The following GRB14 variants were observed in gnomAD, a reference collection of about 807,000 sequenced individuals.
GRB14 encodes growth factor receptor-bound protein 14.
Under a neutral mutation model 69.1 loss-of-function variants are expected in GRB14, and 38 were observed. The observed-to-expected ratio is 0.55, with a 90% CI of 0.42 to 0.72. The LOEUF (loss-of-function observed/expected upper bound fraction) is 0.72, where lower values mean the gene tolerates loss of function less well. Among genes scored for constraint, GRB14 ranks in the 30% least tolerant of loss-of-function variants. The pLI is 0.00. For missense variants in GRB14, 666 were observed against 666.1 expected (o/e 1.00, Z 0.00); for synonymous variants, 247 against 241.3 (o/e 1.02, Z -0.22).
intron 5 of GRB14, among the ~76,000 whole-genome samples, chr2:164,524,413 T>C (rs1687716626): frequency 6.6e-6 from 1 of 152,078 alleles, no homozygotes; most frequent in African/African-American, 2.4e-5. Flanking sequence ...CACTGCCAGT[T>C]TGGAAGAAAT....
chr2:164,498,747 C>T (rs1686972191), intron 9 of GRB14, among the ~76,000 whole-genome samples: 1 of 152,178 alleles, frequency 6.6e-6, no homozygotes. Flanking sequence ...AGGCTTCAAA[C>T]AAAACCTTAT....
intron 2 of GRB14, among the ~76,000 whole-genome samples, chr2:164,595,247 T>G (rs1001383599): frequency 2.6e-5 from 4 of 152,198 alleles, no homozygotes; most frequent in Non-Finnish European, 5.9e-5. Context: ...ATCCAACTTT[T>G]TAAAGGTTTA....
At chr2:164,547,911 T>G (rs1462732906) in intron 2 of GRB14, 95 bp from the exon 3 acceptor site, 6 of 704,864 alleles carry the variant, frequency 8.5e-6, no homozygotes, top group South Asian at 3.5e-5. Context: ...AACACGATAT[T>G]ATGAGATATA....
At chr2:164,555,472 A>G (rs1688655195) in intron 2 of GRB14, among the ~76,000 whole-genome samples, 2 of 152,078 alleles carry the variant, frequency 1.3e-5, no homozygotes, top group Admixed American at 1.3e-4. Context: ...AAGAGAAAGA[A>G]AAAAAAGAGC....
chr2:164,593,971 T>C (rs1689727789), intron 2 of GRB14, among the ~76,000 whole-genome samples: 1 of 152,122 alleles, frequency 6.6e-6, no homozygotes. Flanking sequence ...AAGAGCATAA[T>C]CATAACACAT....
At chr2:164,571,939 C>T (rs543413755) in intron 2 of GRB14, among the ~76,000 whole-genome samples, 2 of 152,260 alleles carry the variant, frequency 1.3e-5, no homozygotes, top group East Asian at 1.9e-4. Flanking sequence ...TTCATACAGC[C>T]CTTGTTCCTG....
At chr2:164,611,074 AG>A (rs1251446140) in intron 2 of GRB14, among the ~76,000 whole-genome samples, 1 of 152,164 alleles carries the variant, frequency 6.6e-6, no homozygotes, top group Non-Finnish European at 1.5e-5. Context: ...GTTCACAAAT[AG>A]ATAGGACTGT....
At chr2:164,554,428 A>C (rs1161629850) in intron 2 of GRB14, among the ~76,000 whole-genome samples, 1 of 152,190 alleles carries the variant, frequency 6.6e-6, no homozygotes, top group Non-Finnish European at 1.5e-5. Context: ...TGGACCCTAA[A>C]GAAGAATAGG....
chr2:164,561,303 G>T (rs1688822539), intron 2 of GRB14, among the ~76,000 whole-genome samples: 1 of 152,140 alleles, frequency 6.6e-6, no homozygotes, highest in African/African-American at 2.4e-5. Flanking sequence ...TGGGCAAAAT[G>T]CTGGCAAACT....
chr2:164,614,103 G>A (rs975421493), intron 2 of GRB14, among the ~76,000 whole-genome samples: 8 of 152,152 alleles, frequency 5.3e-5, no homozygotes, highest in East Asian at 3.9e-4. Flanking sequence ...TTTGAGAAGC[G>A]CAGCTGTAAA....
At chr2:164,525,133 T>G in intron 4 of GRB14, 55 bp from the exon 5 acceptor site, 1 of 1,156,196 alleles carries the variant, frequency 8.6e-7, no homozygotes, top group Non-Finnish European at 1.3e-6. Context: ...AAAGATTCAA[T>G]TATGACCAAT....
chr2:164,570,275 TAAA>T (rs35918859), intron 2 of GRB14, among the ~76,000 whole-genome samples: 2 of 57,228 alleles, frequency 3.5e-5, no homozygotes, highest in African/African-American at 1.3e-4. Context: ...AGACTCCATC[TAAA>T]AAAAAAAAAA....
rs1261851853 is a variant in GRB14, at chr2:164,492,451, A to T, written c.*585T>A. On this transcript the variant is annotated 3_prime_UTR_variant, in exon 14 of 14. Transcript: ENST00000263915. ...TAATTAACTATTTAATAATATTTTT[A>T]AATTACCTGGAAAAAATCAACATAT... Among the ~76,000 whole-genome samples the T allele has an allele frequency of 6.6e-6, 1 of 152,018 alleles. No individual in the cohort carries two copies. The highest frequency in any genetic ancestry group is 6.6e-5 in the Admixed American group (1 of 15,252).
At chr2:164,591,436 T>C (rs1689661340) in intron 2 of GRB14, among the ~76,000 whole-genome samples, 1 of 152,180 alleles carries the variant, frequency 6.6e-6, no homozygotes, top group African/African-American at 2.4e-5. Flanking sequence ...ATGCCTATAA[T>C]AGACCCTCAG....
intron 2 of GRB14, among the ~76,000 whole-genome samples, chr2:164,598,408 T>C (rs1689837066): frequency 6.6e-6 from 1 of 152,242 alleles, no homozygotes; most frequent in African/African-American, 2.4e-5. Flanking sequence ...ATGTTGTGAT[T>C]GTTTACATAT....
At chr2:164,605,969 T>C (rs1690031004) in intron 2 of GRB14, among the ~76,000 whole-genome samples, 11 of 152,218 alleles carry the variant, frequency 7.2e-5, no homozygotes, top group Admixed American at 7.2e-4. Flanking sequence ...CAAAAGAAAG[T>C]AATTGTACAG....
At chr2:164,615,623 G>C (rs78032858) in intron 2 of GRB14, among the ~76,000 whole-genome samples, 1 of 152,066 alleles carries the variant, frequency 6.6e-6, no homozygotes, top group Non-Finnish European at 1.5e-5. Flanking sequence ...CTCAATTTAC[G>C]TATCACTAAA....
chr2:164,549,962 G>A lies in GRB14; in HGVS notation c.325-2146C>T, dbSNP rs181196788. ...ATTTCATATTCTATATTTAAATTCC[G>A]TAAATAACCCTAGTAACATGGGTGA... On this transcript the variant is annotated intron_variant, in intron 2 of 13. Coordinates refer to ENST00000263915, the MANE Select transcript of GRB14 (RefSeq NM_004490.3). Among the ~76,000 whole-genome samples, 254 of 150,392 alleles carry A rather than the reference G, an allele frequency of 1.7e-3. 1 individual carries two copies. Among genetic ancestry groups the A allele is most frequent in the African/African-American group, 6.0e-3 (243 of 40,802 alleles).
intron 12 of GRB14, among the ~76,000 whole-genome samples, chr2:164,496,666 T>G (rs1686905958): frequency 6.6e-6 from 1 of 152,180 alleles, no homozygotes; most frequent in Non-Finnish European, 1.5e-5. Flanking sequence ...TATGTTCAAA[T>G]CAAAATATTG....
Sources: gnomAD v4.1 joint callset for allele counts (sites outside exome capture counted in the v4.1 genomes callset) on GRCh38, gnomAD v4.1.1 for gene constraint, MANE v1.5 for transcripts, NCBI Gene and HGNC (gene_info 2026-07-23, HGNC 2026-07-21) for gene names.